The following RPS6KA5 variants were observed in gnomAD, a reference collection of about 807,000 sequenced individuals.
RPS6KA5 encodes ribosomal protein S6 kinase A5.
A neutral mutation model predicts 85.5 loss-of-function variants in RPS6KA5; 27 were observed. The observed-to-expected ratio is 0.32, with a 90% CI of 0.23 to 0.44. RPS6KA5 has a LOEUF of 0.44. RPS6KA5 is among the 20% of genes least tolerant of loss of function. The pLI is 1.00. For missense variants in RPS6KA5, 811 were observed against 980.9 expected (o/e 0.83, Z 2.31); for synonymous variants, 334 against 348.2 (o/e 0.96, Z 0.46).
intron 9 of RPS6KA5, among the ~76,000 whole-genome samples, chr14:90,902,181 C>T (rs1055564260): frequency 7.0e-6 from 1 of 142,236 alleles, no homozygotes; most frequent in African/African-American, 2.6e-5. Flanking sequence ...GACCTTGTTT[C>T]TTAAAAAAAA....
At chr14:90,873,569 T>A (rs2033258981) in intron 16 of RPS6KA5, 63 bp downstream of exon 16, 1 of 1,409,044 alleles carries the variant, frequency 7.1e-7, no homozygotes, top group Non-Finnish European at 9.7e-7. Flanking sequence ...GGCTACAGAG[T>A]AAGAACATTT....
intron 1 of RPS6KA5, among the ~76,000 whole-genome samples, chr14:91,001,986 T>C (rs1184408335): frequency 1.3e-5 from 2 of 152,166 alleles, no homozygotes; most frequent in East Asian, 3.8e-4. Context: ...AATATGCATG[T>C]AGATCAAGAC....
At chr14:90,992,689 CA>C (rs2040362107) in intron 2 of RPS6KA5, among the ~76,000 whole-genome samples, 1 of 152,154 alleles carries the variant, frequency 6.6e-6, no homozygotes, top group Non-Finnish European at 1.5e-5. Context: ...TGTGGAAGAT[CA>C]GAATTATCTA....
chr14:90,905,823 G>A (rs1432107984), intron 8 of RPS6KA5, among the ~76,000 whole-genome samples: 1 of 152,060 alleles, frequency 6.6e-6, no homozygotes. Context: ...CAGTCCATAT[G>A]GCTAGATCTC....
At chr14:91,035,950 G>A (rs1313296465) in intron 1 of RPS6KA5, among the ~76,000 whole-genome samples, 3 of 57,428 alleles carry the variant, frequency 5.2e-5, no homozygotes, top group African/African-American at 1.4e-4. Context: ...CAAGCACTTA[G>A]GGTATGAAAA....
intron 1 of RPS6KA5, among the ~76,000 whole-genome samples, chr14:91,040,356 C>T (rs1439000805): frequency 3.9e-5 from 6 of 152,080 alleles, no homozygotes; most frequent in African/African-American, 9.7e-5. Context: ...TCCAGTGAGC[C>T]GAGATCATGC....
intron 4 of RPS6KA5, among the ~76,000 whole-genome samples, chr14:90,946,192 A>ATAT (rs2140364742): frequency 6.6e-6 from 1 of 152,276 alleles, no homozygotes; most frequent in African/African-American, 2.4e-5. Flanking sequence ...TACCATATCA[A>ATAT]TAATTCCATG....
chr14:90,919,965 A>C (rs930291612), intron 7 of RPS6KA5, among the ~76,000 whole-genome samples: 9 of 152,198 alleles, frequency 5.9e-5, no homozygotes, highest in African/African-American at 1.9e-4. Flanking sequence ...GGGGCACACC[A>C]AAATCATGAC....
intron 7 of RPS6KA5, among the ~76,000 whole-genome samples, chr14:90,907,671 G>T (rs143481247): frequency 3.3e-5 from 5 of 152,206 alleles, no homozygotes; most frequent in Admixed American, 3.3e-4. Context: ...ACTTAATTCT[G>T]GGAACCCAAG....
rs371449477 is a variant in RPS6KA5, at chr14:90,875,410, G to A, written c.1837-50C>T. ...AGAATGACTACCCAGATCTGTTAAA[G>A]CCACTCTAATAATCCTAATAGTAAC... On this transcript the variant is annotated intron_variant, in intron 14 of 16. Transcript: ENST00000614987. 31 of 1,532,888 alleles carry A rather than the reference G, an allele frequency of 2.0e-5. No individual in the cohort carries two copies. The African/African-American group carries it at 4.1e-4, about 20-fold the overall frequency. The allele number at this position is 1,532,888 out of a possible 1,614,324, so 95.0% of individuals were successfully genotyped here.
intron 1 of RPS6KA5, among the ~76,000 whole-genome samples, chr14:91,059,092 C>T (rs1440605834): frequency 6.6e-6 from 1 of 152,178 alleles, no homozygotes; most frequent in African/African-American, 2.4e-5. Context: ...CTTTGGGAGG[C>T]CGAGGCGGGC....
chr14:90,966,865 G>C (rs900151585), intron 3 of RPS6KA5, among the ~76,000 whole-genome samples: 4 of 152,160 alleles, frequency 2.6e-5, no homozygotes, highest in Non-Finnish European at 1.5e-5. Context: ...GAAAAGAAGA[G>C]AGAAAGCAAA....
chr14:90,977,420 A>G (rs910922724), intron 3 of RPS6KA5, among the ~76,000 whole-genome samples: 1 of 152,210 alleles, frequency 6.6e-6, no homozygotes, highest in Non-Finnish European at 1.5e-5. Context: ...GACTTTCCCA[A>G]AGATCATATA....
chr14:91,004,346 C>G (rs898920881), intron 1 of RPS6KA5, among the ~76,000 whole-genome samples: 3 of 151,984 alleles, frequency 2.0e-5, no homozygotes, highest in African/African-American at 7.2e-5. Flanking sequence ...GCTGGGATTA[C>G]AGGCGTGAGC....
Position 90,869,932 on chromosome 14 carries a change from T to A in RPS6KA5, c.*2142A>T, listed in dbSNP as rs1426703794. On this transcript the variant is annotated 3_prime_UTR_variant, in exon 17 of 17. Transcript: ENST00000614987. Reference sequence around the variant, plus strand: ...TTGACAGCTAGCCTATCTTTCCTTCTTCCTGTTAGTCTGACTGCCTTTTTA... The same window carrying A: ...TTGACAGCTAGCCTATCTTTCCTTCATCCTGTTAGTCTGACTGCCTTTTTA... 6.6e-6 allele frequency: 1 copy of A among 152,220 alleles called. No homozygotes were observed. The highest frequency in any genetic ancestry group is 1.5e-5 in the Non-Finnish European group (1 of 68,026). 9.4% of individuals were successfully genotyped at this position (152,220 alleles called of 1,614,324 possible). A position where few individuals can be genotyped will look rare whatever the true frequency, so the allele number is the denominator to read the frequency against.
chr14:90,938,988 T>C (rs570800643), intron 5 of RPS6KA5, among the ~76,000 whole-genome samples: 112 of 152,378 alleles, frequency 7.4e-4, no homozygotes, highest in African/African-American at 2.6e-3. Flanking sequence ...TCTTTTCTAG[T>C]GCATTGTCAG....
At chr14:91,012,935 T>C (rs896248815) in intron 1 of RPS6KA5, among the ~76,000 whole-genome samples, 1 of 152,198 alleles carries the variant, frequency 6.6e-6, no homozygotes, top group African/African-American at 2.4e-5. Flanking sequence ...ACATCACTTT[T>C]CTGACTTGTT....
At chr14:90,907,320 G>A (rs1268935477) in intron 7 of RPS6KA5, among the ~76,000 whole-genome samples, 7 of 152,200 alleles carry the variant, frequency 4.6e-5, no homozygotes, top group African/African-American at 1.4e-4. Flanking sequence ...TGAGCCCAAC[G>A]CTGGCTCTGC....
At chr14:90,959,523 A>G (rs949749267) in intron 3 of RPS6KA5, among the ~76,000 whole-genome samples, 1 of 152,180 alleles carries the variant, frequency 6.6e-6, no homozygotes, top group Non-Finnish European at 1.5e-5. Flanking sequence ...AACTAAAGAG[A>G]TGGAGTGGGT....
Sources: allele counts gnomAD v4.1 joint callset (sites outside exome capture counted in the v4.1 genomes callset), GRCh38; gene constraint gnomAD v4.1.1; transcripts MANE v1.5; gene names NCBI Gene and HGNC (gene_info 2026-07-23, HGNC 2026-07-21).